The following TIPARP variants were observed in gnomAD, a reference collection of about 807,000 sequenced individuals.
The protein encoded by TIPARP is TCDD inducible poly(ADP-ribose) polymerase.
TIPARP carries 12 observed loss-of-function variants against 56.5 expected under a neutral mutation model. The observed-to-expected ratio is 0.21, with a 90% CI of 0.14 to 0.34. The LOEUF (loss-of-function observed/expected upper bound fraction) is 0.34, where lower values mean the gene tolerates loss of function less well. Among genes scored for constraint, TIPARP ranks in the 10% least tolerant of loss-of-function variants. The probability of loss-of-function intolerance (pLI) is 1.00; values close to 1 mark genes in which losing one functional copy is unlikely to be tolerated. For missense variants in TIPARP, 604 were observed against 781.6 expected (o/e 0.77, Z 2.71); for synonymous variants, 296 against 265.7 (o/e 1.11, Z -1.11).
intron 4 of TIPARP, 49 bp from the exon 5 acceptor site, chr3:156,703,375 T>C (rs1286968078): frequency 6.3e-7 from 1 of 1,577,426 alleles, no homozygotes; most frequent in East Asian, 2.2e-5. Flanking sequence ...ATGTGAGGTG[T>C]ACTTATTTCT....
intron 4 of TIPARP, among the ~76,000 whole-genome samples, chr3:156,700,365 G>C (rs961902318): frequency 2.6e-5 from 4 of 151,872 alleles, no homozygotes; most frequent in African/African-American, 9.7e-5. Flanking sequence ...CAGTCCTCCT[G>C]CCTCAGCCTC....
At chr3:156,701,834 G>A (rs1722850391) in intron 4 of TIPARP, among the ~76,000 whole-genome samples, 1 of 152,140 alleles carries the variant, frequency 6.6e-6, no homozygotes, top group African/African-American at 2.4e-5. Context: ...AAAGCACCTC[G>A]GAGATTCAGT....
chr3:156,679,793 T>C (rs1434156728), intron 2 of TIPARP, among the ~76,000 whole-genome samples: 1 of 152,198 alleles, frequency 6.6e-6, no homozygotes, highest in African/African-American at 2.4e-5. Context: ...ACACTACCTA[T>C]GTGTCTAGAG....
At chr3:156,678,698 T>G in intron 2 of TIPARP, 84 bp downstream of exon 2, 1 of 1,228,786 alleles carries the variant, frequency 8.1e-7, no homozygotes, top group African/African-American at 1.5e-5. Flanking sequence ...GGGTGGTTTC[T>G]TTCAGTAGTA....
intron 2 of TIPARP, among the ~76,000 whole-genome samples, chr3:156,683,419 C>G (rs537503370): frequency 6.6e-6 from 1 of 152,172 alleles, no homozygotes; most frequent in Admixed American, 6.6e-5. Flanking sequence ...ATCTGAAATC[C>G]GAAATGCTCC....
chr3:156,678,403 C>G lies in TIPARP; in HGVS notation c.706C>G (p.Gln236Glu). ...GAACCAGTTGCAGTACCACACTCAC[C>G]AAGAGAACGGAATTGAAATTTGCAT... ...LVNQLQYHTH[Q>E]ENGIEICMDF... The change falls in exon 2 of 6, where the codon CAA becomes GAA. Residue 236 changes from glutamine to glutamate, a missense_variant. Transcript: ENST00000295924. 6.2e-7 allele frequency: 1 copy of G among 1,614,170 alleles called. No homozygotes were observed. The highest frequency in any genetic ancestry group is 8.5e-7 in the Non-Finnish European group (1 of 1,180,014).
chr3:156,685,420 A>G (rs969240237), intron 2 of TIPARP, among the ~76,000 whole-genome samples: 1 of 152,238 alleles, frequency 6.6e-6, no homozygotes, highest in African/African-American at 2.4e-5. Context: ...CACCTTCTAC[A>G]GAAACCAGTG....
At position 156,703,455 on chromosome 3, in the gene TIPARP, C is replaced by T; in HGVS notation, c.1279C>T (p.Pro427Ser). ...TLGGVPTQAP[P>S]PLEATSSSQI... is the part of the protein sequence containing the mutation. ...TGGTGGGGTTCCCACACAAGCTCCT[C>T]CACCTCTTGAAGCAACTTCATCATC... Residue 427 changes from proline to serine, a missense_variant, in exon 5 of 6, where the codon CCA (proline) becomes TCA (serine). Transcript: ENST00000295924. 1 of 1,614,228 alleles carries T rather than the reference C, an allele frequency of 6.2e-7. No homozygotes were observed. The highest frequency in any genetic ancestry group is 8.5e-7 in the Non-Finnish European group (1 of 1,180,038).
chr3:156,694,295 T>A, intron 3 of TIPARP, 107 bp downstream of exon 3: 2 of 951,404 alleles, frequency 2.1e-6, no homozygotes, highest in Non-Finnish European at 3.0e-6. Flanking sequence ...ACTATGCATA[T>A]AATCAAACAG....
chr3:156,690,436 G>A (rs1226711803), intron 2 of TIPARP, among the ~76,000 whole-genome samples: 1 of 152,060 alleles, frequency 6.6e-6, no homozygotes, highest in Non-Finnish European at 1.5e-5. Context: ...TGGCTTAATT[G>A]GTATGTGCAG....
intron 2 of TIPARP, among the ~76,000 whole-genome samples, chr3:156,683,805 A>G (rs777968714): frequency 5.9e-5 from 9 of 152,224 alleles, no homozygotes; most frequent in Non-Finnish European, 1.0e-4. Flanking sequence ...TATGTAGTCT[A>G]TGCAAACCTT....
chr3:156,686,131 G>C (rs1440162101), intron 2 of TIPARP, among the ~76,000 whole-genome samples: 2 of 152,174 alleles, frequency 1.3e-5, no homozygotes, highest in Non-Finnish European at 2.9e-5. Context: ...CAGAGTCAGG[G>C]TAAAGTATGT....
chr3:156,675,766 C>T (rs1158282659), intron 1 of TIPARP: 1 of 152,072 alleles, frequency 6.6e-6, no homozygotes, highest in East Asian at 1.9e-4. Context: ...CCGCAGAACC[C>T]CAGCGTCACG....
At chr3:156,693,141 A>G (rs112070201) in intron 2 of TIPARP, among the ~76,000 whole-genome samples, 1 of 152,166 alleles carries the variant, frequency 6.6e-6, no homozygotes, top group Non-Finnish European at 1.5e-5. Flanking sequence ...ATTTTCTTAT[A>G]GTAACTTTCA....
At chr3:156,689,056 C>G (rs1482383566) in intron 2 of TIPARP, among the ~76,000 whole-genome samples, 2 of 152,182 alleles carry the variant, frequency 1.3e-5, no homozygotes, top group Non-Finnish European at 2.9e-5. Context: ...TTAGCTCTTA[C>G]AGGCAGGAAG....
intron 2 of TIPARP, among the ~76,000 whole-genome samples, chr3:156,691,314 C>T (rs1337753160): frequency 6.6e-6 from 1 of 152,286 alleles, no homozygotes; most frequent in Admixed American, 6.5e-5. Flanking sequence ...TTATCCATTA[C>T]TGGATGCCAA....
Position 156,706,533 on chromosome 3 carries a change from G to C in TIPARP, c.*1402G>C, listed in dbSNP as rs996282821. On this transcript the variant is annotated 3_prime_UTR_variant, in exon 6 of 6. Coordinates refer to ENST00000295924, the MANE Select transcript of TIPARP (RefSeq NM_015508.5). ...TATTTATTTTGCCCTAGTTAATCCT[G>C]TTGTTTGCTGCCATTGGCATGAAAT... The C allele has an allele frequency of 6.6e-6, 1 of 152,564 alleles. No individual in the cohort carries two copies. Among genetic ancestry groups the C allele is most frequent in the East Asian group, 1.9e-4 (1 of 5,196 alleles). The allele number at this position is 152,564 out of a possible 1,614,324, so 9.5% of individuals were successfully genotyped here.
intron 2 of TIPARP, among the ~76,000 whole-genome samples, chr3:156,692,734 T>G (rs1311313208): frequency 6.6e-6 from 1 of 152,144 alleles, no homozygotes; most frequent in Non-Finnish European, 1.5e-5. Context: ...GTATAATCTG[T>G]TTTTCAAATA....
rs1475443141 is a variant in TIPARP, at chr3:156,706,359, G to T, written c.*1228G>T. ...AAGAATTCGCCATGGAATTCTTTCA[G>T]TTACCAAGCTCTCCTGGTAATGTTT... On this transcript the variant is annotated 3_prime_UTR_variant, in exon 6 of 6. Transcript: ENST00000295924. The T allele has an allele frequency of 6.6e-6, 1 of 152,634 alleles. No individual in the cohort carries two copies. The highest frequency in any genetic ancestry group is 2.4e-5 in the African/African-American group (1 of 41,446). The allele number at this position is 152,634 out of a possible 1,614,324, so 9.5% of individuals were successfully genotyped here. A position where few individuals can be genotyped will look rare whatever the true frequency, so the allele number is the denominator to read the frequency against.
Sources: gnomAD v4.1 joint callset for allele counts (sites outside exome capture counted in the v4.1 genomes callset) on GRCh38, gnomAD v4.1.1 for gene constraint, MANE v1.5 for transcripts, NCBI Gene and HGNC (gene_info 2026-07-23, HGNC 2026-07-21) for gene names.